LRRIQ1: variants seen among roughly 807,000 people sequenced by gnomAD.
LRRIQ1 encodes leucine-rich repeat- and IQ domain-containing protein 1.
In LRRIQ1, 210 loss-of-function variants were observed where a neutral mutation model predicts 211.9. That is an observed-to-expected ratio of 0.99 (90% CI 0.89 to 1.11). The LOEUF (loss-of-function observed/expected upper bound fraction) is 1.11, where lower values mean the gene tolerates loss of function less well. Among genes scored for constraint, LRRIQ1 ranks in the 50% most tolerant of loss-of-function variants. The probability of loss-of-function intolerance (pLI) is 0.00; values close to 1 mark genes in which losing one functional copy is unlikely to be tolerated. For missense variants in LRRIQ1, 2,136 were observed against 1,939.5 expected (o/e 1.10, Z -1.90); for synonymous variants, 699 against 650.1 (o/e 1.08, Z -1.14).
At chr12:85,112,813 C>G (rs892840837) in intron 15 of LRRIQ1, among the ~76,000 whole-genome samples, 29 of 152,072 alleles carry the variant, frequency 1.9e-4, no homozygotes, top group African/African-American at 7.0e-4. Context: ...TAGATAAGAT[C>G]TTTTAACTTA....
At chr12:85,199,050 G>A (rs568778696) in intron 24 of LRRIQ1, among the ~76,000 whole-genome samples, 19 of 152,032 alleles carry the variant, frequency 1.2e-4, no homozygotes, top group South Asian at 4.2e-4. Context: ...ATTTTCTCCC[G>A]TTCTGTAAGT....
At chr12:85,198,251 G>T (rs531570837) in intron 24 of LRRIQ1, among the ~76,000 whole-genome samples, 90 of 146,082 alleles carry the variant, frequency 6.2e-4, no homozygotes, top group Middle Eastern at 3.5e-3. Flanking sequence ...TTGTTATTGT[G>T]AATAGTGCTG....
At chr12:85,069,393 A>G (rs570669961) in intron 10 of LRRIQ1, among the ~76,000 whole-genome samples, 4 of 152,246 alleles carry the variant, frequency 2.6e-5, no homozygotes, top group East Asian at 1.9e-4. Context: ...TAGTGCCGCA[A>G]TAAACATACA....
the LRRIQ1 span, among the ~76,000 whole-genome samples, chr12:85,271,393 G>A: frequency 6.6e-6 from 1 of 152,034 alleles, no homozygotes; most frequent in South Asian, 2.1e-4. Flanking sequence ...CACCACTGGG[G>A]CAAAACTGAA....
In LRRIQ1 at chr12:85,250,293, G is replaced by T. The variant is rs541175233; in HGVS notation, c.121+5384G>T. On this transcript the variant is annotated intron_variant, in intron 1 of 1. Transcript: ENST00000602731. ...ATCTATCATATCTTCTCAGAGCTTT[G>T]CAAAACCCTGGCATTTATAAGCCTT... Among the ~76,000 whole-genome samples, 3 of 151,822 alleles carry T rather than the reference G, an allele frequency of 2.0e-5. No individual in the cohort carries two copies. The East Asian group carries it at 5.8e-4, about 29-fold the overall frequency.
At chr12:85,046,838 TC>T (rs1879647247) in intron 5 of LRRIQ1, among the ~76,000 whole-genome samples, 2 of 152,186 alleles carry the variant, frequency 1.3e-5, no homozygotes, top group South Asian at 4.1e-4. Flanking sequence ...AAGGATGAGT[TC>T]ATGTCCTTTG....
intron 1 of LRRIQ1, among the ~76,000 whole-genome samples, chr12:85,255,391 A>G (rs921279404): frequency 6.6e-6 from 1 of 151,834 alleles, no homozygotes; most frequent in Non-Finnish European, 1.5e-5. Flanking sequence ...ATTGACTTTC[A>G]TATTTCCTAT....
chr12:85,217,506 ATATGTGTGTGTGTGTGTGTGTG>A (rs1894171749), intron 24 of LRRIQ1, among the ~76,000 whole-genome samples: 1 of 69,870 alleles, frequency 1.4e-5, no homozygotes, highest in African/African-American at 1.3e-4. Context: ...ATATATATAT[ATATGTGTGTGTGTGTGTGTGTG>A]TGTGTGTGTG....
At chr12:85,122,332 G>T (rs191750235) in intron 16 of LRRIQ1, among the ~76,000 whole-genome samples, 1 of 152,096 alleles carries the variant, frequency 6.6e-6, no homozygotes, top group African/African-American at 2.4e-5. Context: ...TACGTATCAA[G>T]GTATCATGGG....
chr12:85,051,455 T>C (rs1209825758), intron 6 of LRRIQ1, among the ~76,000 whole-genome samples: 4 of 152,214 alleles, frequency 2.6e-5, no homozygotes, highest in Non-Finnish European at 2.9e-5. Flanking sequence ...AACTGATGAT[T>C]TTCATAAAAA....
At chr12:85,217,682 A>G (rs977657613) in intron 24 of LRRIQ1, among the ~76,000 whole-genome samples, 2 of 145,316 alleles carry the variant, frequency 1.4e-5, no homozygotes, top group Admixed American at 7.0e-5. Flanking sequence ...GTATATATGT[A>G]TATATGTGTA....
intron 14 of LRRIQ1, 57 bp from the exon 15 acceptor site, chr12:85,106,465 A>G (rs1333981138): frequency 4.1e-6 from 5 of 1,223,482 alleles, no homozygotes; most frequent in East Asian, 4.7e-5. Context: ...TCATAGATTT[A>G]TGATATTTGT....
chr12:85,178,562 T>C (rs1185495690), intron 24 of LRRIQ1, among the ~76,000 whole-genome samples: 1 of 152,030 alleles, frequency 6.6e-6, no homozygotes. Flanking sequence ...AACCTCTTAG[T>C]TACTAAATTC....
intron 8 of LRRIQ1, among the ~76,000 whole-genome samples, chr12:85,063,078 C>T: frequency 6.6e-6 from 1 of 151,640 alleles, no homozygotes; most frequent in East Asian, 1.9e-4. Context: ...ATTTAAGTTC[C>T]TTGTAGATGC....
chr12:85,267,668 A>G (rs1381582005), downstream of LRRIQ1, among the ~76,000 whole-genome samples: 1 of 151,994 alleles, frequency 6.6e-6, no homozygotes, highest in African/African-American at 2.4e-5. Flanking sequence ...ATTTGATCCA[A>G]CCATGGATTT....
At chr12:85,247,067 T>C (rs1264430358), downstream of LRRIQ1, among the ~76,000 whole-genome samples, 2 of 151,532 alleles carry the variant, frequency 1.3e-5, no homozygotes, top group African/African-American at 2.4e-5. Context: ...CACCTAAACA[T>C]AGTTATATAA....
chr12:85,064,325 G>A (rs891108232), intron 8 of LRRIQ1, among the ~76,000 whole-genome samples: 4 of 151,376 alleles, frequency 2.6e-5, no homozygotes, highest in African/African-American at 9.7e-5. Flanking sequence ...ATATTTTCTT[G>A]AGAAATATCT....
At chr12:85,080,300 A>C (rs2136158985) in intron 11 of LRRIQ1, among the ~76,000 whole-genome samples, 1 of 151,982 alleles carries the variant, frequency 6.6e-6, no homozygotes, top group East Asian at 1.9e-4. Context: ...GTGCCTCCTA[A>C]ATCTGTGGCT....
chr12:85,038,484 A>G (rs945650892), intron 2 of LRRIQ1, among the ~76,000 whole-genome samples, 176 bp downstream of exon 2: 2 of 151,640 alleles, frequency 1.3e-5, no homozygotes, highest in African/African-American at 2.4e-5. Context: ...TAAAATTGGG[A>G]TTATCATTAT....
Sources: gnomAD v4.1 joint callset for allele counts (sites outside exome capture counted in the v4.1 genomes callset) on GRCh38, gnomAD v4.1.1 for gene constraint, MANE v1.5 for transcripts, NCBI Gene and HGNC (gene_info 2026-07-23, HGNC 2026-07-21) for gene names.